The following ZNF568 variants were observed in gnomAD, a reference collection of about 807,000 sequenced individuals.
The protein encoded by ZNF568 is p53 inhibitor of SCO2 activation.
A neutral mutation model predicts 18.1 loss-of-function variants in ZNF568; 11 were observed. That is an observed-to-expected ratio of 0.61 (90% CI 0.38 to 1.00). ZNF568 has a LOEUF of 1.00. ZNF568 is among the 50% of genes least tolerant of loss of function. The pLI is 0.01. For missense variants in ZNF568, 639 were observed against 768.2 expected (o/e 0.83, Z 1.99); for synonymous variants, 213 against 246.6 (o/e 0.86, Z 1.28).
chr19:36,957,410 T>C (rs1018542284), downstream of ZNF568, among the ~76,000 whole-genome samples: 1 of 152,008 alleles, frequency 6.6e-6, no homozygotes, highest in African/African-American at 2.4e-5. Context: ...TTTTGTATTT[T>C]TAGTAAAGAT....
In ZNF568 at chr19:36,948,658, A is replaced by ATTTTTTTTTT. The variant is rs4069585; in HGVS notation, c.359-838_359-829dup. The stretch of plus-strand genomic sequence containing the variant: ...TTGCAGCAGGGGTTTTTTGTTGTTG[A>ATTTTTTTTTT]TTTTTTTTTTTTTTTTTTTTTTTTT... On this transcript the variant is annotated intron_variant, in intron 6 of 6. Coordinates refer to ENST00000333987, the MANE Select transcript of ZNF568 (RefSeq NM_198539.4). 1.6e-3 allele frequency among the ~76,000 whole-genome samples: 133 copies of ATTTTTTTTTT among 83,536 alleles called. 2 individuals are homozygous for ATTTTTTTTTT. The highest frequency in any genetic ancestry group is 3.5e-3 in the African/African-American group (73 of 20,988). The allele number at this position is 83,536 out of a possible 152,430, so 54.8% of individuals were successfully genotyped here. A position where few individuals can be genotyped will look rare whatever the true frequency, so the allele number is the denominator to read the frequency against.
chr19:36,940,274 C>T (rs942226175), intron 6 of ZNF568, among the ~76,000 whole-genome samples: 4 of 152,182 alleles, frequency 2.6e-5, no homozygotes, highest in Non-Finnish European at 4.4e-5. Context: ...ATTATGAGTG[C>T]TCTTACCTAA....
At position 36,951,965 on chromosome 19, in the gene ZNF568, A is replaced by G; in HGVS notation, c.*877A>G. ...ACATTCTAAAGGATTTAAATACTGG[A>G]ATTTGAAAAGCCAAACTGTGAAACC... On this transcript the variant is annotated 3_prime_UTR_variant, in exon 7 of 7. Transcript: ENST00000333987. The G allele has an allele frequency of 1.0e-6, 1 of 982,372 alleles. No homozygotes were observed. Among genetic ancestry groups the G allele is most frequent in the Non-Finnish European group, 1.2e-6 (1 of 829,202 alleles). The allele number at this position is 982,372 out of a possible 1,614,324, so 60.9% of individuals were successfully genotyped here.
chr19:36,935,898 T>A lies in ZNF568; in HGVS notation c.136-848T>A, dbSNP rs1257407181. ...GTAGACAGCATGTAGTTGAATTCTG[T>A]TTTTCTATCCAATCTGACAATCTGT... On this transcript the variant is annotated intron_variant, in intron 4 of 6. Transcript: ENST00000333987. Among the ~76,000 whole-genome samples, 11 of 152,330 alleles carry A rather than the reference T, an allele frequency of 7.2e-5. No individual in the cohort carries two copies. The East Asian group carries it at 2.1e-3, about 29-fold the overall frequency.
intron 2 of ZNF568, among the ~76,000 whole-genome samples, chr19:36,918,209 G>C (rs1442512948): frequency 6.6e-6 from 1 of 152,122 alleles, no homozygotes; most frequent in East Asian, 1.9e-4. Flanking sequence ...CTCCCAAAGT[G>C]CTGGGATTAC....
intron 6 of ZNF568, among the ~76,000 whole-genome samples, chr19:36,969,679 C>T (rs541995148): frequency 4.6e-5 from 7 of 151,118 alleles, no homozygotes; most frequent in African/African-American, 1.5e-4. Flanking sequence ...TCCCCGCTTT[C>T]GTTGTCATGA....
chr19:36,990,588 C>T (rs1412950892), intron 2 of ZNF568, among the ~76,000 whole-genome samples: 1 of 152,196 alleles, frequency 6.6e-6, no homozygotes, highest in Non-Finnish European at 1.5e-5. Context: ...GTACTCCAGC[C>T]TGGGCACCCA....
intron 6 of ZNF568, among the ~76,000 whole-genome samples, chr19:36,942,870 C>T (rs1416303926): frequency 1.3e-5 from 2 of 152,156 alleles, no homozygotes; most frequent in Non-Finnish European, 2.9e-5. Flanking sequence ...TCATCTTCTA[C>T]TTAGTCTCTG....
rs1051323437 is a variant in ZNF568, at chr19:36,989,206, A to G, written c.10-1970A>G. Among the ~76,000 whole-genome samples the G allele has an allele frequency of 4.6e-5, 7 of 152,320 alleles. 1 individual carries two copies. The South Asian group carries it at 1.2e-3, about 27-fold the overall frequency. ...CTTTTATTGATTGATTGATTGAGAC[A>G]GAGTCTCCCTCTGTTGCCTAGGCTA... is the stretch of plus-strand genomic sequence containing the variant. On this transcript the variant is annotated intron_variant, in intron 2 of 4. Transcript: ENST00000433993.
At chr19:36,925,329 C>A in intron 4 of ZNF568, 71 bp downstream of exon 4, 2 of 1,310,824 alleles carry the variant, frequency 1.5e-6, no homozygotes, top group Non-Finnish European at 2.2e-6. Flanking sequence ...TTGTAACCTA[C>A]CAATGTGTTG....
intron 4 of ZNF568, among the ~76,000 whole-genome samples, chr19:36,933,125 C>T (rs1336819974): frequency 1.4e-5 from 2 of 138,586 alleles, no homozygotes; most frequent in African/African-American, 5.2e-5. Context: ...TCATAATTTA[C>T]AACTATGTAT....
chr19:36,961,516 T>C (rs2074149849), intron 6 of ZNF568, among the ~76,000 whole-genome samples: 2 of 152,088 alleles, frequency 1.3e-5, no homozygotes, highest in Admixed American at 6.5e-5. Context: ...ATTTAATCCA[T>C]TTATATTCAA....
At chr19:36,978,143 A>G (rs561376605) in intron 7 of ZNF568, among the ~76,000 whole-genome samples, 77 of 152,258 alleles carry the variant, frequency 5.1e-4, no homozygotes, top group African/African-American at 1.4e-3. Flanking sequence ...CACCTTTTGA[A>G]TTTTGTTCAG....
chr19:36,984,822 T>C (rs1051852200), downstream of ZNF568, among the ~76,000 whole-genome samples: 2 of 152,146 alleles, frequency 1.3e-5, no homozygotes, highest in Non-Finnish European at 2.9e-5. Context: ...TTTTTTTCTG[T>C]AGATAATCTA....
At chr19:36,991,397 G>A (rs2074423398) in intron 3 of ZNF568, 1 of 1,367,936 alleles carries the variant, frequency 7.3e-7, no homozygotes. Flanking sequence ...TGTCCCAAGT[G>A]CTTTTCAAGT....
intron 6 of ZNF568, among the ~76,000 whole-genome samples, chr19:36,971,200 A>T (rs1644640): frequency 0.36 from 54,159 of 150,938 alleles, 10,007 homozygotes; most frequent in African/African-American, 0.41. Context: ...ATCACTGCAC[A>T]CCAGCCTGGG....
intron 4 of ZNF568, among the ~76,000 whole-genome samples, chr19:36,933,910 T>G (rs58595907): frequency 0.22 from 9,240 of 41,656 alleles, 499 homozygotes; most frequent in Non-Finnish European, 0.27. Context: ...TTTTTTTTTT[T>G]GTTTTGTTTT....
intron 4 of ZNF568, among the ~76,000 whole-genome samples, chr19:36,930,572 T>C (rs2073670776): frequency 6.6e-6 from 1 of 152,186 alleles, no homozygotes; most frequent in South Asian, 2.1e-4. Context: ...AAAATGTTTT[T>C]GTGCTGATTT....
intron 4 of ZNF568, among the ~76,000 whole-genome samples, chr19:36,933,498 T>C (rs947079137): frequency 6.6e-6 from 1 of 152,218 alleles, no homozygotes; most frequent in African/African-American, 2.4e-5. Context: ...GATGATCTTA[T>C]GGTTTTTGAC....
Sources: allele counts gnomAD v4.1 joint callset (sites outside exome capture counted in the v4.1 genomes callset), GRCh38; gene constraint gnomAD v4.1.1; transcripts MANE v1.5; gene names NCBI Gene and HGNC (gene_info 2026-07-23, HGNC 2026-07-21).